CAPN13: variants seen among roughly 807,000 people sequenced by gnomAD.
CAPN13 encodes calpain 13.
A neutral mutation model predicts 98.4 loss-of-function variants in CAPN13; 90 were observed. The ratio of observed to expected loss-of-function variants is 0.92; its 90% CI spans 0.77 to 1.09. The LOEUF (loss-of-function observed/expected upper bound fraction) is 1.09, where lower values mean the gene tolerates loss of function less well. Among genes scored for constraint, CAPN13 ranks in the 50% least tolerant of loss-of-function variants. The probability of loss-of-function intolerance (pLI) is 0.00; values close to 1 mark genes in which losing one functional copy is unlikely to be tolerated. For synonymous variants in CAPN13, 330 were observed against 305.5 expected, an observed-to-expected ratio of 1.08 and a Z score of -0.84; for missense variants, 887 against 841.3, an observed-to-expected ratio of 1.05 and a Z score of -0.67.
At chr2:30,780,939 G>A (rs1673956509) in intron 2 of CAPN13, among the ~76,000 whole-genome samples, 1 of 152,226 alleles carries the variant, frequency 6.6e-6, no homozygotes, top group African/African-American at 2.4e-5. Context: ...AGATGGGTCA[G>A]GCACATGAGG....
At chr2:30,803,700 A>C (rs1675432371) in intron 1 of CAPN13, among the ~76,000 whole-genome samples, 1 of 152,186 alleles carries the variant, frequency 6.6e-6, no homozygotes, top group Admixed American at 6.5e-5. Context: ...AGAGGGCGGC[A>C]GTGGGCAAAT....
At chr2:30,746,663 G>A (rs1480011864) in intron 11 of CAPN13, 2 of 203,492 alleles carry the variant, frequency 9.8e-6, no homozygotes, top group Non-Finnish European at 2.0e-5. Flanking sequence ...ATGGATCAAT[G>A]AGGATAACCT....
At chr2:30,736,243 G>A (rs566884304) in intron 18 of CAPN13, among the ~76,000 whole-genome samples, 46 of 151,944 alleles carry the variant, frequency 3.0e-4, no homozygotes, top group Admixed American at 2.5e-3. Context: ...GCAGATGCTA[G>A]CAGGTAGCTT....
At chr2:30,756,261 A>G (rs1448449664) in intron 8 of CAPN13, among the ~76,000 whole-genome samples, 1 of 152,098 alleles carries the variant, frequency 6.6e-6, no homozygotes, top group Non-Finnish European at 1.5e-5. Flanking sequence ...CCTCTGCCTC[A>G]GGCCGGCTTG....
chr2:30,779,109 G>A (rs1673853789), intron 2 of CAPN13, among the ~76,000 whole-genome samples: 1 of 152,228 alleles, frequency 6.6e-6, no homozygotes, highest in Non-Finnish European at 1.5e-5. Context: ...GATGGAGGCT[G>A]TGGCATTTTC....
intron 21 of CAPN13, 111 bp from the exon 22 acceptor site, chr2:30,730,897 C>T (rs767878164): frequency 1.4e-6 from 1 of 739,056 alleles, no homozygotes; most frequent in Non-Finnish European, 2.5e-6. Context: ...GTCTCATCAC[C>T]CCTTCCAGCT....
Position 30,741,912 on chromosome 2 carries a change from T to C in CAPN13, c.1532A>G (p.Gln511Arg). Residue 511 changes from glutamine (Q) to arginine (R), a missense_variant, in exon 15 of 23, where the codon CAG becomes CGG. Gln to Arg is a conservative substitution (Grantham distance 43). Coordinates refer to ENST00000295055, the MANE Select transcript of CAPN13 (RefSeq NM_144575.3). Reference protein sequence around the residue: ...SQQSIFNRYAQQRLDIDATQL... With the variant: ...SQQSIFNRYARQRLDIDATQL... ...CCTGGGTGCTAGGTACCATACCTGC[T>C]GAGCATATCTGTTGAAAATGCTTTG... 2 of 1,613,976 alleles carry C rather than the reference T, an allele frequency of 1.2e-6. No homozygotes were observed. Among genetic ancestry groups the C allele is most frequent in the East Asian group, 4.5e-5 (2 of 44,870 alleles).
At chr2:30,736,725 G>T (rs1671386177) in intron 17 of CAPN13, 154 bp from the exon 18 acceptor site, 1 of 650,862 alleles carries the variant, frequency 1.5e-6, no homozygotes, top group Non-Finnish European at 2.7e-6. Flanking sequence ...CTCCCGCTGT[G>T]TCTGAAAGGG....
chr2:30,802,697 A>C (rs1212318513), intron 1 of CAPN13, among the ~76,000 whole-genome samples: 2 of 152,164 alleles, frequency 1.3e-5, no homozygotes, highest in East Asian at 3.9e-4. Flanking sequence ...AGGAGCAGAA[A>C]TGGCCTAAAA....
intron 8 of CAPN13, among the ~76,000 whole-genome samples, chr2:30,755,370 AG>A (rs2147999415): frequency 6.6e-6 from 1 of 152,208 alleles, no homozygotes; most frequent in Admixed American, 6.5e-5. Flanking sequence ...GAGATTCCTG[AG>A]CCTGGCTGGC....
At chr2:30,774,840 A>G (rs148575018) in intron 4 of CAPN13, among the ~76,000 whole-genome samples, 46 of 152,334 alleles carry the variant, frequency 3.0e-4, no homozygotes, top group African/African-American at 1.1e-3. Flanking sequence ...GATAAAAATA[A>G]CATAAACTAG....
At position 30,806,987 on chromosome 2, in the gene CAPN13, A is replaced by G. The variant is rs557632651; in HGVS notation, c.-33+315T>C. 1.8e-4 allele frequency among the ~76,000 whole-genome samples: 28 copies of G among 152,344 alleles called. 1 individual carries two copies. Among genetic ancestry groups the G allele is most frequent in the African/African-American group, 6.7e-4 (28 of 41,584 alleles). On this transcript the variant is annotated intron_variant, in intron 1 of 22. Transcript: ENST00000295055. ...TCCCTTACGGTGAACACAGCCCTCA[A>G]GGTCACAACTTAGAATGATCAGAAA...
intron 2 of CAPN13, among the ~76,000 whole-genome samples, chr2:30,783,878 G>C (rs954658067): frequency 3.9e-5 from 6 of 152,174 alleles, no homozygotes; most frequent in African/African-American, 1.4e-4. Context: ...TCTAAAAATA[G>C]TGATAGAAAG....
chr2:30,744,129 T>G (rs1343635836), intron 12 of CAPN13, among the ~76,000 whole-genome samples: 2 of 152,220 alleles, frequency 1.3e-5, no homozygotes, highest in Non-Finnish European at 2.9e-5. Context: ...TATAATGCAG[T>G]TCCTATTACC....
At chr2:30,804,515 A>G (rs981449021) in intron 1 of CAPN13, among the ~76,000 whole-genome samples, 1 of 152,182 alleles carries the variant, frequency 6.6e-6, no homozygotes, top group African/African-American at 2.4e-5. Context: ...AATTGGAATC[A>G]TAACTCTCTG....
At chr2:30,758,826 T>TCCC (rs1305520245) in intron 7 of CAPN13, among the ~76,000 whole-genome samples, 7 of 98,606 alleles carry the variant, frequency 7.1e-5, no homozygotes, top group South Asian at 4.1e-4. Flanking sequence ...CCTCCCTTCC[T>TCCC]TCCTCCCTTC....
chr2:30,770,181 C>T (rs750667855), intron 5 of CAPN13, 132 bp downstream of exon 5: 38 of 1,226,704 alleles, frequency 3.1e-5, no homozygotes, highest in Admixed American at 5.0e-5. Context: ...GACCTTTGCA[C>T]GTGGTGATTG....
chr2:30,751,786 G>T (rs1672186587), intron 10 of CAPN13, among the ~76,000 whole-genome samples: 1 of 152,254 alleles, frequency 6.6e-6, no homozygotes, highest in African/African-American at 2.4e-5. Context: ...CACATCAGAA[G>T]ACTGGACTGA....
chr2:30,764,251 C>T lies in CAPN13; in HGVS notation c.580G>A (p.Asp194Asn). Residue 194 changes from aspartate (D) to asparagine (N), a missense_variant, in exon 6 of 23, where the codon GAC becomes AAC. Coordinates refer to ENST00000295055, the MANE Select transcript of CAPN13 (RefSeq NM_144575.3). ...TTGGTGATCACGCCTCCTGTGAGGTCCACCAGGGCATCCTCGAGGAAGCCA... is the reference window on the plus strand; with the variant it reads ...TTGGTGATCACGCCTCCTGTGAGGTTCACCAGGGCATCCTCGAGGAAGCCA... ...HYGFLEDALV[D>N]LTGGVITNIH... 2 of 1,613,694 alleles carry T rather than the reference C, an allele frequency of 1.2e-6. No individual in the cohort carries two copies. The highest frequency in any genetic ancestry group is 1.7e-6 in the Non-Finnish European group (2 of 1,179,826).
Sources: allele counts gnomAD v4.1 joint callset (sites outside exome capture counted in the v4.1 genomes callset), GRCh38; gene constraint gnomAD v4.1.1; transcripts MANE v1.5; gene names NCBI Gene and HGNC (gene_info 2026-07-23, HGNC 2026-07-21).